The following PTPRN2 variants were observed in gnomAD, a reference collection of about 807,000 sequenced individuals.
PTPRN2 encodes receptor-type tyrosine-protein phosphatase N2.
A neutral mutation model predicts 118.8 loss-of-function variants in PTPRN2; 74 were observed. The observed-to-expected ratio is 0.62, with a 90% confidence interval of 0.52 to 0.76. The LOEUF (loss-of-function observed/expected upper bound fraction) is 0.76, where lower values mean the gene tolerates loss of function less well. PTPRN2 is among the 30% of genes least tolerant of loss of function. The pLI is 0.00. For missense variants in PTPRN2, 1,481 were observed against 1,394.4 expected, an observed-to-expected ratio of 1.06 and a Z score of -0.99; for synonymous variants, 641 against 608.0, an observed-to-expected ratio of 1.05 and a Z score of -0.80.
chr7:158,120,734 T>A (rs1204247100), intron 9 of PTPRN2, among the ~76,000 whole-genome samples: 1 of 152,180 alleles, frequency 6.6e-6, no homozygotes, highest in Non-Finnish European at 1.5e-5. Context: ...CCAGGTCAGC[T>A]CCTGTCCCAA....
intron 2 of PTPRN2, among the ~76,000 whole-genome samples, chr7:158,354,381 C>A (rs528239874): frequency 6.6e-6 from 1 of 152,234 alleles, no homozygotes; most frequent in East Asian, 1.9e-4. Context: ...CAGTGACTGG[C>A]CCAACAAAGT....
intron 12 of PTPRN2, among the ~76,000 whole-genome samples, chr7:157,790,811 C>A (rs1804439993): frequency 6.6e-6 from 1 of 152,062 alleles, no homozygotes; most frequent in East Asian, 1.9e-4. Context: ...ATAGCTCCTA[C>A]AACTTGGTGA....
intron 5 of PTPRN2, among the ~76,000 whole-genome samples, chr7:158,173,478 A>G (rs1823900672): frequency 6.6e-6 from 1 of 152,224 alleles, no homozygotes; most frequent in Admixed American, 6.5e-5. Context: ...CAGGGATCAC[A>G]TGCTTCAGAG....
chr7:158,204,516 A>G (rs1388977387), intron 4 of PTPRN2, among the ~76,000 whole-genome samples: 1 of 152,220 alleles, frequency 6.6e-6, no homozygotes, highest in Non-Finnish European at 1.5e-5. Flanking sequence ...CTAAACCTTT[A>G]GGAAAGGTCA....
At chr7:157,565,463 C>T (rs1008582022) in intron 21 of PTPRN2, among the ~76,000 whole-genome samples, 1 of 152,246 alleles carries the variant, frequency 6.6e-6, no homozygotes, top group African/African-American at 2.4e-5. Context: ...GTCTGCTTGG[C>T]ATGGCCTCCA....
rs974279372 is a variant in PTPRN2, at chr7:157,990,364, G to T, written c.1723+90934C>A. ...GACAGGTGCAGCAGAGATTGGGCACGGGCCAGGAATGCATCACGGCACCTG... is the reference window on the plus strand; with the variant it reads ...GACAGGTGCAGCAGAGATTGGGCACTGGCCAGGAATGCATCACGGCACCTG... On this transcript the variant is annotated intron_variant, in intron 11 of 22. Coordinates refer to ENST00000389418, the MANE Select transcript of PTPRN2 (RefSeq NM_002847.5). The surrounding 1 kb of genome is among the most constrained non-coding windows in gnomAD (Gnocchi z 4.3). 6.6e-6 allele frequency among the ~76,000 whole-genome samples: 1 copy of T among 152,170 alleles called. No individual in the cohort carries two copies. The highest frequency in any genetic ancestry group is 2.4e-5 in the African/African-American group (1 of 41,442).
At chr7:157,701,747 C>T (rs1390703617) in intron 12 of PTPRN2, among the ~76,000 whole-genome samples, 3 of 152,206 alleles carry the variant, frequency 2.0e-5, no homozygotes, top group Admixed American at 6.5e-5. Context: ...ATAAGAGAGC[C>T]GGGTCAATGC....
intron 11 of PTPRN2, among the ~76,000 whole-genome samples, chr7:157,908,305 C>T (rs1464869764): frequency 2.6e-5 from 4 of 152,258 alleles, no homozygotes; most frequent in Non-Finnish European, 5.9e-5. Context: ...GGCCTCCACC[C>T]CTGCAGCCTG....
At chr7:158,464,624 TAAAC>T (rs1044387503) in intron 2 of PTPRN2, among the ~76,000 whole-genome samples, 7 of 150,438 alleles carry the variant, frequency 4.7e-5, no homozygotes, top group Non-Finnish European at 7.4e-5. Context: ...TGCCATTTAG[TAAAC>T]AATCACTTCA....
chr7:157,932,434 G>GGAA (rs1216691372), intron 11 of PTPRN2, among the ~76,000 whole-genome samples: 9 of 152,232 alleles, frequency 5.9e-5, no homozygotes, highest in African/African-American at 1.9e-4. Context: ...ACTTTAGAAT[G>GGAA]GGGTGAGTCA....
chr7:158,579,871 AGAATGG>A (rs1828533383), intron 1 of PTPRN2, among the ~76,000 whole-genome samples: 1 of 152,354 alleles, frequency 6.6e-6, no homozygotes, highest in East Asian at 1.9e-4. Context: ...TTCTACCACA[AGAATGG>A]GTGCCGCTCC....
At chr7:158,040,497 G>A (rs1808383442) in intron 11 of PTPRN2, among the ~76,000 whole-genome samples, 1 of 152,114 alleles carries the variant, frequency 6.6e-6, no homozygotes. Flanking sequence ...CCAGAGAGGG[G>A]GGAAAAACCT....
intron 12 of PTPRN2, among the ~76,000 whole-genome samples, chr7:157,872,039 G>A (rs868481910): frequency 3.2e-3 from 314 of 99,586 alleles, no homozygotes; most frequent in Middle Eastern, 0.031. Context: ...CATACCCAGC[G>A]CCTCCCCACA....
At chr7:158,115,829 C>A (rs145189780) in intron 9 of PTPRN2, among the ~76,000 whole-genome samples, 1 of 152,204 alleles carries the variant, frequency 6.6e-6, no homozygotes, top group African/African-American at 2.4e-5. Context: ...ATCAAACACA[C>A]GGAGTCTGTG....
At chr7:157,624,759 G>T (rs2150651838) in intron 14 of PTPRN2, among the ~76,000 whole-genome samples, 1 of 152,308 alleles carries the variant, frequency 6.6e-6, no homozygotes, top group South Asian at 2.1e-4. Flanking sequence ...ACTCTACTCA[G>T]ACGTCTTCTG....
intron 10 of PTPRN2, among the ~76,000 whole-genome samples, chr7:158,104,618 C>T (rs1486373588): frequency 1.3e-5 from 2 of 152,094 alleles, no homozygotes; most frequent in East Asian, 1.9e-4. Context: ...CACCCATGAT[C>T]ACAACCATCC....
chr7:157,818,030 GTA>G (rs1398421623), intron 12 of PTPRN2, among the ~76,000 whole-genome samples: 2 of 151,638 alleles, frequency 1.3e-5, no homozygotes, highest in Non-Finnish European at 2.9e-5. Context: ...GTGTATATAT[GTA>G]TATGTTTGTG....
chr7:157,714,918 C>A (rs952699754), intron 12 of PTPRN2, among the ~76,000 whole-genome samples: 1 of 149,290 alleles, frequency 6.7e-6, no homozygotes, highest in Admixed American at 6.7e-5. Flanking sequence ...GCTCCAAGCC[C>A]GATCACTTCT....
chr7:158,378,473 G>A (rs1810720010), intron 2 of PTPRN2, among the ~76,000 whole-genome samples: 1 of 152,192 alleles, frequency 6.6e-6, no homozygotes, highest in Admixed American at 6.5e-5. Context: ...CCACACGCCT[G>A]CATCCGAGGA....
Sources: allele counts gnomAD v4.1 joint callset (sites outside exome capture counted in the v4.1 genomes callset), GRCh38; gene constraint gnomAD v4.1.1; non-coding constraint Gnocchi (gnomAD v3.1); transcripts MANE v1.5; gene names NCBI Gene and HGNC (gene_info 2026-07-23, HGNC 2026-07-21).